CA12: variants seen among roughly 807,000 people sequenced by gnomAD.
CA12 encodes carbonate dehydratase XII.
CA12 carries 36 observed loss-of-function variants against 46.8 expected under a neutral mutation model. That is an observed-to-expected ratio of 0.77 (90% CI 0.59 to 1.02). The LOEUF (loss-of-function observed/expected upper bound fraction) is 1.02, where lower values mean the gene tolerates loss of function less well. Ranked by LOEUF, CA12 falls within the 50% of genes least tolerant of loss-of-function variation. The pLI is 0.00. For synonymous variants in CA12, 202 were observed against 187.0 expected (o/e 1.08, Z -0.65); for missense variants, 436 against 451.4 (o/e 0.97, Z 0.31).
intron 8 of CA12, among the ~76,000 whole-genome samples, chr15:63,336,885 G>A (rs578219635): frequency 1.9e-4 from 29 of 152,222 alleles, no homozygotes; most frequent in African/African-American, 6.7e-4. Flanking sequence ...CTGGGATCGC[G>A]AGCAAAATTC....
At chr15:63,363,683 C>A (rs1211976821) in intron 2 of CA12, among the ~76,000 whole-genome samples, 1 of 152,212 alleles carries the variant, frequency 6.6e-6, no homozygotes, top group African/African-American at 2.4e-5. Context: ...AAGCCAACAC[C>A]TGATTATTAA....
rs2038909448 is a variant in CA12 at position 63,329,535 on chromosome 15, C to T, written c.875-1405G>A. 1.3e-5 allele frequency among the ~76,000 whole-genome samples: 2 copies of T among 152,136 alleles called. No homozygotes were observed. Among genetic ancestry groups the T allele is most frequent in the African/African-American group, 4.8e-5 (2 of 41,430 alleles). ...TAAAGAAAGTGTAGATTTACAGGTA[C>T]CCTTCTGTCTGGTGGTTTTCTCATC... is the stretch of plus-strand genomic sequence containing the variant. On this transcript the variant is annotated intron_variant, in intron 8 of 10. Coordinates refer to ENST00000178638, the MANE Select transcript of CA12 (RefSeq NM_001218.5). The surrounding 1 kb of genome is among the most constrained non-coding windows in gnomAD (Gnocchi z 4.8).
At position 63,340,798 on chromosome 15, in the gene CA12, G is replaced by A; in HGVS notation, c.526-15C>T. ...AAGGAGCCCATCTGCAACAGAGACA[G>A]GGCAGGTTAAACTGGGACAGAACAG... On this transcript the variant is annotated splice_polypyrimidine_tract_variant and intron_variant, in intron 5 of 10. Coordinates refer to ENST00000178638, the MANE Select transcript of CA12 (RefSeq NM_001218.5). The surrounding 1 kb of genome is among the most constrained non-coding windows in gnomAD (Gnocchi z 4.4). 6.2e-7 allele frequency: 1 copy of A among 1,613,418 alleles called. No homozygotes were observed. Among genetic ancestry groups the A allele is most frequent in the South Asian group, 1.1e-5 (1 of 91,070 alleles).
intron 4 of CA12, among the ~76,000 whole-genome samples, chr15:63,343,774 A>G (rs533872626): frequency 6.6e-6 from 1 of 150,480 alleles, no homozygotes; most frequent in Non-Finnish European, 1.5e-5. Flanking sequence ...TTTAAAACAC[A>G]TAAACCCTGC....
intron 4 of CA12, among the ~76,000 whole-genome samples, chr15:63,343,326 G>A (rs1203355025): frequency 1.5e-5 from 2 of 137,354 alleles, no homozygotes; most frequent in Admixed American, 7.8e-5. Flanking sequence ...TTGTTGCCCA[G>A]GCTGGAGTGC....
At chr15:63,335,666 C>A (rs2038993506) in intron 8 of CA12, among the ~76,000 whole-genome samples, 1 of 151,346 alleles carries the variant, frequency 6.6e-6, no homozygotes, top group South Asian at 2.1e-4. Flanking sequence ...TTTCTCCTGG[C>A]AGAATTTTCT....
rs569436605 is a variant in CA12, at chr15:63,328,649, C to T, written c.875-519G>A. On this transcript the variant is annotated intron_variant, in intron 8 of 10. Transcript: ENST00000178638. The surrounding 1 kb of genome is among the most constrained non-coding windows in gnomAD (Gnocchi z 5.9). ...GCGCCCGGCCCCGATGCTCCTTTAT[C>T]ACAACAGTTTCCTGGCTAGGGCAAG... Among the ~76,000 whole-genome samples the T allele has an allele frequency of 7.9e-5, 12 of 151,986 alleles. No individual in the cohort carries two copies. The highest frequency in any genetic ancestry group is 1.6e-4 in the Non-Finnish European group (11 of 68,004).
In CA12 at chr15:63,331,318, C is replaced by T. The variant is rs1039050650; in HGVS notation, c.875-3188G>A. On this transcript the variant is annotated intron_variant, in intron 8 of 10. Transcript: ENST00000178638. The surrounding 1 kb of genome is among the most constrained non-coding windows in gnomAD (Gnocchi z 5.3). The stretch of plus-strand genomic sequence containing the variant: ...CAGCAGAGCCTCGGCTGGGTGAGAG[C>T]GAAGCCTCTAGGCACTGTAGAGAAC... 1.3e-5 allele frequency among the ~76,000 whole-genome samples: 2 copies of T among 152,160 alleles called. No homozygotes were observed. Among genetic ancestry groups the T allele is most frequent in the East Asian group, 1.9e-4 (1 of 5,200 alleles).
At chr15:63,335,510 C>T (rs1480821707) in intron 8 of CA12, among the ~76,000 whole-genome samples, 1 of 151,444 alleles carries the variant, frequency 6.6e-6, no homozygotes, top group African/African-American at 2.4e-5. Context: ...GTCACCCAAG[C>T]TGGAGTGCAG....
intron 1 of CA12, among the ~76,000 whole-genome samples, chr15:63,377,803 C>T (rs1453943176): frequency 7.9e-5 from 12 of 152,170 alleles, no homozygotes; most frequent in Admixed American, 5.9e-4. Context: ...TATGTTTAGG[C>T]ATTATTTATT....
At chr15:63,364,189 G>C (rs746129355) in intron 2 of CA12, among the ~76,000 whole-genome samples, 10 of 150,704 alleles carry the variant, frequency 6.6e-5, no homozygotes, top group East Asian at 3.9e-4. Context: ...AAAAAAAAGT[G>C]GGGGGGCGGT....
At position 63,328,027 on chromosome 15, in the gene CA12, G is replaced by A; in HGVS notation, c.907+71C>T. On this transcript the variant is annotated intron_variant, in intron 9 of 10. Coordinates refer to ENST00000178638, the MANE Select transcript of CA12 (RefSeq NM_001218.5). This position sits in a 1 kb window ranked among gnomAD's most constrained non-coding sequence, Gnocchi z 5.9. ...TAGTACAGAGAAGCAGAGAGGACGG[G>A]CTTGGATCACACCAAGAATCACAGT... 7.0e-7 allele frequency: 1 copy of A among 1,428,954 alleles called. No homozygotes were observed. Among genetic ancestry groups the A allele is most frequent in the Non-Finnish European group, 9.9e-7 (1 of 1,012,264 alleles). The allele number at this position is 1,428,954 out of a possible 1,614,324, so 88.5% of individuals were successfully genotyped here.
chr15:63,358,926 A>G (rs1025760662), intron 2 of CA12, among the ~76,000 whole-genome samples: 1 of 151,294 alleles, frequency 6.6e-6, no homozygotes, highest in African/African-American at 2.4e-5. Context: ...GGTGGCACTA[A>G]CCCCCCACTC....
chr15:63,327,217 C>T lies in CA12; in HGVS notation c.924G>A (p.Leu308=), dbSNP rs374105178. The T allele has an allele frequency of 1.0e-4, 166 of 1,613,880 alleles. No individual in the cohort carries two copies. Among genetic ancestry groups the T allele is most frequent in the Non-Finnish European group, 1.1e-4 (133 of 1,179,936 alleles). The change falls in exon 10 of 11, where the codon CTG becomes CTA. Residue 308 remains leucine (L), a synonymous_variant. Coordinates refer to ENST00000178638, the MANE Select transcript of CA12 (RefSeq NM_001218.5). The surrounding 1 kb of genome is among the most constrained non-coding windows in gnomAD (Gnocchi z 4.5). ...AGLSLGIILS[L]ALAGILGICI... ...AGATGCCAAGAATGCCAGCCAGGGCCAGTGAGAGGATGATGCCTGGTGAAG... is the reference window on the plus strand; with the variant it reads ...AGATGCCAAGAATGCCAGCCAGGGCTAGTGAGAGGATGATGCCTGGTGAAG...
At chr15:63,344,974 G>C (rs1037439538) in intron 4 of CA12, among the ~76,000 whole-genome samples, 1 of 152,132 alleles carries the variant, frequency 6.6e-6, no homozygotes, top group Non-Finnish European at 1.5e-5. Flanking sequence ...GGTACCCCTA[G>C]ACTTGTGGCC....
chr15:63,340,534 T>C lies in CA12; in HGVS notation c.590-89A>G, dbSNP rs1019112513. 4 of 1,555,004 alleles carry C rather than the reference T, an allele frequency of 2.6e-6. No homozygotes were observed. Among genetic ancestry groups the C allele is most frequent in the Non-Finnish European group, 3.6e-6 (4 of 1,126,532 alleles). ...AACAGAGCGACTGAGCCTAGAAACA[T>C]GAACTAGCCCCTTTCAGGGTCATCT... is the stretch of plus-strand genomic sequence containing the variant. On this transcript the variant is annotated intron_variant, in intron 6 of 10. Transcript: ENST00000178638. This position sits in a 1 kb window ranked among gnomAD's most constrained non-coding sequence, Gnocchi z 4.4.
At chr15:63,375,609 C>T in intron 2 of CA12, 49 bp downstream of exon 2, 1 of 1,218,056 alleles carries the variant, frequency 8.2e-7, no homozygotes, top group East Asian at 2.4e-5. Flanking sequence ...TTAAATACAA[C>T]CATTTCTATT....
At chr15:63,342,473 T>C (rs1442715527) in intron 4 of CA12, among the ~76,000 whole-genome samples, 1 of 152,146 alleles carries the variant, frequency 6.6e-6, no homozygotes, top group Non-Finnish European at 1.5e-5. Flanking sequence ...TGGGTTCCAA[T>C]AAGGGGTTGT....
chr15:63,366,517 G>T (rs2039436690), intron 2 of CA12, among the ~76,000 whole-genome samples: 1 of 152,130 alleles, frequency 6.6e-6, no homozygotes, highest in African/African-American at 2.4e-5. Flanking sequence ...ATAATGGTAG[G>T]GACCAAGCCT....
Sources: gnomAD v4.1 joint callset for allele counts (sites outside exome capture counted in the v4.1 genomes callset) on GRCh38, gnomAD v4.1.1 for gene constraint, Gnocchi (gnomAD v3.1) non-coding constraint, MANE v1.5 for transcripts, NCBI Gene and HGNC (gene_info 2026-07-23, HGNC 2026-07-21) for gene names.